The following REDIC1 variants were observed in gnomAD, a reference collection of about 807,000 sequenced individuals.
The protein encoded by REDIC1 is regulator of DNA class I crossover intermediates 1.
chr12:39,675,721 A>G, the REDIC1 span, among the ~76,000 whole-genome samples: 2 of 152,294 alleles, frequency 1.3e-5, no homozygotes, highest in African/African-American at 4.8e-5. Context: ...TGCCACCTCC[A>G]TTGGAGCAGG....
the REDIC1 span, among the ~76,000 whole-genome samples, chr12:39,797,555 T>C: frequency 6.6e-6 from 1 of 152,192 alleles, no homozygotes; most frequent in Admixed American, 6.5e-5. Flanking sequence ...TTTAGTCAAT[T>C]TCACATAGAT....
the REDIC1 span, among the ~76,000 whole-genome samples, chr12:39,789,684 A>T: frequency 6.6e-6 from 1 of 152,128 alleles, no homozygotes; most frequent in Non-Finnish European, 1.5e-5. Context: ...AAGACAGAGA[A>T]CTCTATACTA....
chr12:39,830,592 G>T, the REDIC1 span: 1 of 534,880 alleles, frequency 1.9e-6, no homozygotes, highest in Non-Finnish European at 2.4e-6. Context: ...AGCCCTGACT[G>T]GTTCCAAGTT....
chr12:39,669,700 C>A, the REDIC1 span, among the ~76,000 whole-genome samples: 7 of 152,320 alleles, frequency 4.6e-5, no homozygotes, highest in South Asian at 1.4e-3. Context: ...GTGGGCTCCA[C>A]CCAGTTGGAG....
chr12:39,868,784 C>G, the REDIC1 span, among the ~76,000 whole-genome samples: 9 of 152,118 alleles, frequency 5.9e-5, no homozygotes, highest in Non-Finnish European at 1.2e-4. Context: ...GTTCTCTGAA[C>G]AAGCTTTGAA....
At chr12:39,631,935 G>C in the REDIC1 span, among the ~76,000 whole-genome samples, 15 of 151,842 alleles carry the variant, frequency 9.9e-5, no homozygotes, top group Admixed American at 3.9e-4. Context: ...ATTGATGATA[G>C]CACATGTATA....
At chr12:39,774,679 T>A in the REDIC1 span, among the ~76,000 whole-genome samples, 1 of 152,100 alleles carries the variant, frequency 6.6e-6, no homozygotes, top group Non-Finnish European at 1.5e-5. Context: ...TACTATTATT[T>A]TCTAATAAAA....
chr12:39,898,915 A>T, the REDIC1 span, among the ~76,000 whole-genome samples: 3 of 152,208 alleles, frequency 2.0e-5, no homozygotes, highest in Admixed American at 2.0e-4. Context: ...AAAGGAGAGA[A>T]GGAAAAGAAG....
At chr12:39,860,328 T>C in the REDIC1 span, among the ~76,000 whole-genome samples, 1 of 152,238 alleles carries the variant, frequency 6.6e-6, no homozygotes. Context: ...GCCTGAAGAA[T>C]GGAGAGATAC....
the REDIC1 span, among the ~76,000 whole-genome samples, chr12:39,700,897 G>C: frequency 6.6e-6 from 1 of 151,994 alleles, no homozygotes. Context: ...GAGAGATTTT[G>C]TCACCACCAG....
At chr12:39,685,018 T>C in the REDIC1 span, 2 of 838,890 alleles carry the variant, frequency 2.4e-6, no homozygotes, top group Non-Finnish European at 1.8e-6. Flanking sequence ...TGATTTAAGC[T>C]TAACATTTAT....
At chr12:39,855,045 C>T in the REDIC1 span, among the ~76,000 whole-genome samples, 1 of 152,126 alleles carries the variant, frequency 6.6e-6, no homozygotes, top group Non-Finnish European at 1.5e-5. Context: ...GGAAGGTAGG[C>T]AGTAAACTAC....
At chr12:39,775,070 C>A in the REDIC1 span, among the ~76,000 whole-genome samples, 6 of 152,266 alleles carry the variant, frequency 3.9e-5, no homozygotes, top group African/African-American at 1.2e-4. Context: ...TAGGAAACCA[C>A]TTAAATGGGA....
chr12:39,807,993 T>C, the REDIC1 span, among the ~76,000 whole-genome samples: 1 of 152,166 alleles, frequency 6.6e-6, no homozygotes, highest in Admixed American at 6.5e-5. Flanking sequence ...ATGTATAATA[T>C]ACAAAATATA....
the REDIC1 span, among the ~76,000 whole-genome samples, chr12:39,748,218 G>C: frequency 1.3e-5 from 2 of 152,122 alleles, no homozygotes. Flanking sequence ...AAAATAAAGG[G>C]ATGGAGGAAG....
the REDIC1 span, among the ~76,000 whole-genome samples, chr12:39,671,798 G>C: frequency 6.6e-6 from 1 of 152,258 alleles, no homozygotes; most frequent in African/African-American, 2.4e-5. Context: ...GCAGATGCCA[G>C]CTGTGGTGGA....
the REDIC1 span, among the ~76,000 whole-genome samples, chr12:39,796,422 T>TA: frequency 0.017 from 2,014 of 117,576 alleles, 44 homozygotes; most frequent in African/African-American, 0.053. Context: ...GGACCCATCT[T>TA]AAAAAAAAAA....
the REDIC1 span, among the ~76,000 whole-genome samples, chr12:39,778,613 C>T: frequency 1.9e-4 from 29 of 152,074 alleles, no homozygotes; most frequent in African/African-American, 6.3e-4. Flanking sequence ...TTATTATTAA[C>T]GTATTATTAC....
At chr12:39,741,221 T>G in the REDIC1 span, among the ~76,000 whole-genome samples, 2 of 152,234 alleles carry the variant, frequency 1.3e-5, no homozygotes, top group Non-Finnish European at 2.9e-5. Context: ...CAATTTCGTT[T>G]GCCTTCAGAA....
Sources: allele counts gnomAD v4.1 joint callset (sites outside exome capture counted in the v4.1 genomes callset), GRCh38; gene constraint gnomAD v4.1.1; transcripts MANE v1.5; gene names NCBI Gene and HGNC (gene_info 2026-07-23, HGNC 2026-07-21).